Variants in IMPACT observed in about 807,000 individuals in gnomAD.
IMPACT encodes impact RWD domain protein.
Under a neutral mutation model 47.5 loss-of-function variants are expected in IMPACT, and 35 were observed. The ratio of observed to expected loss-of-function variants is 0.74; its 90% confidence interval spans 0.56 to 0.98. The LOEUF (loss-of-function observed/expected upper bound fraction) is 0.98. Ranked by LOEUF, IMPACT falls within the 50% of genes least tolerant of loss-of-function variation. The probability of loss-of-function intolerance (pLI) is 0.00; values close to 1 mark genes in which losing one functional copy is unlikely to be tolerated. For synonymous variants in IMPACT, 118 were observed against 125.6 expected (o/e 0.94, Z 0.40); for missense variants, 373 against 394.8 (o/e 0.94, Z 0.47).
chr18:24,449,242 G>T (rs1001633572), intron 9 of IMPACT, among the ~76,000 whole-genome samples: 1 of 152,062 alleles, frequency 6.6e-6, no homozygotes, highest in Non-Finnish European at 1.5e-5. Flanking sequence ...GCATGCACCT[G>T]TAGGTCCCAG....
rs572911961 is a variant in IMPACT, at chr18:24,450,296, A to C, written c.894+343A>C. Among the ~76,000 whole-genome samples the C allele has an allele frequency of 3.3e-5, 5 of 152,348 alleles. 1 individual carries two copies. In the South Asian group the frequency reaches 8.3e-4, roughly 25 times the overall value. On this transcript the variant is annotated intron_variant, in intron 10 of 10. Transcript: ENST00000284202. The stretch of plus-strand genomic sequence containing the variant: ...CCCCAGAGTGGTTGTAGCTGATATC[A>C]CATCAGACTAGATGTTCTTTAAACA...
chr18:24,452,290 C>T lies in IMPACT; in HGVS notation c.*1443C>T, dbSNP rs1162504129. The T allele has an allele frequency of 6.6e-6, 1 of 152,060 alleles. No homozygotes were observed. The highest frequency in any genetic ancestry group is 2.4e-5 in the African/African-American group (1 of 41,404). 9.4% of individuals were successfully genotyped at this position (152,060 alleles called of 1,614,324 possible). On this transcript the variant is annotated 3_prime_UTR_variant, in exon 11 of 11. Coordinates refer to ENST00000284202, the MANE Select transcript of IMPACT (RefSeq NM_018439.4). ...AAATTCTAAATTATATTTGTTATAA[C>T]TATATTTTATGTTGTATGTTATCAG...
chr18:24,442,485 A>G (rs1443243303), intron 6 of IMPACT, among the ~76,000 whole-genome samples: 2 of 152,208 alleles, frequency 1.3e-5, no homozygotes, highest in Non-Finnish European at 2.9e-5. Flanking sequence ...GAGGTATAAT[A>G]ACTGGAAATC....
chr18:24,427,624 T>C (rs1344570869), intron 1 of IMPACT: 2 of 282,364 alleles, frequency 7.1e-6, no homozygotes, highest in Non-Finnish European at 1.3e-5. Flanking sequence ...TTTTCACGTG[T>C]GAATGGTCAC....
intron 6 of IMPACT, among the ~76,000 whole-genome samples, chr18:24,441,393 A>G (rs559802182): frequency 6.1e-4 from 93 of 152,190 alleles, no homozygotes; most frequent in African/African-American, 2.1e-3. Context: ...GGGTTTCGCC[A>G]TGTTGGCCAG....
intron 7 of IMPACT, among the ~76,000 whole-genome samples, chr18:24,445,173 G>T (rs1909217145): frequency 6.6e-6 from 1 of 152,156 alleles, no homozygotes; most frequent in Non-Finnish European, 1.5e-5. Flanking sequence ...TTGATAATTA[G>T]TGCTCAAAAA....
At chr18:24,434,832 G>A (rs1908870452) in intron 4 of IMPACT, among the ~76,000 whole-genome samples, 5 of 139,170 alleles carry the variant, frequency 3.6e-5, no homozygotes, top group Admixed American at 3.5e-4. Flanking sequence ...TATTATATAA[G>A]TGTATATATA....
Position 24,427,987 on chromosome 18 carries a change from A to G in IMPACT, c.105A>G (p.Lys35=), listed in dbSNP as rs751345520. The stretch of plus-strand genomic sequence containing the variant: ...GGTGTGTCATTGATGACTGTGCCAA[A>G]ATATTTTGTATTAGAATTAGCGACG... ...EEWCVIDDCA[K]IFCIRISDDI... The change falls in exon 2 of 11, where the codon AAA becomes AAG. Residue 35 remains lysine, a synonymous_variant. Coordinates refer to ENST00000284202, the MANE Select transcript of IMPACT (RefSeq NM_018439.4). 5 of 1,602,270 alleles carry G rather than the reference A, an allele frequency of 3.1e-6. No individual in the cohort carries two copies. Among genetic ancestry groups the G allele is most frequent in the Middle Eastern group, 3.3e-4 (2 of 6,038 alleles).
intron 2 of IMPACT, 81 bp from the exon 3 acceptor site, chr18:24,428,788 G>T: frequency 2.8e-6 from 3 of 1,062,688 alleles, no homozygotes; most frequent in Admixed American, 2.4e-5. Flanking sequence ...TGCCTTTTTT[G>T]TCCAGTTGCT....
intron 4 of IMPACT, among the ~76,000 whole-genome samples, chr18:24,434,445 A>G (rs988267693): frequency 6.6e-6 from 1 of 152,128 alleles, no homozygotes; most frequent in Non-Finnish European, 1.5e-5. Flanking sequence ...CAAAAAGAAT[A>G]TGAATGGAGA....
chr18:24,445,998 G>T (rs1490253723), intron 8 of IMPACT, among the ~76,000 whole-genome samples: 1 of 152,122 alleles, frequency 6.6e-6, no homozygotes, highest in Admixed American at 6.6e-5. Flanking sequence ...AAGGAAGAAA[G>T]AATTCTTAGA....
At chr18:24,444,527 T>C (rs1909199594) in intron 7 of IMPACT, among the ~76,000 whole-genome samples, 1 of 152,206 alleles carries the variant, frequency 6.6e-6, no homozygotes, top group South Asian at 2.1e-4. Flanking sequence ...ATGTAATCTT[T>C]GCTGATTTCC....
At position 24,445,547 on chromosome 18, in the gene IMPACT, CTA is replaced by C. The variant is rs1241597382; in HGVS notation, c.668+83_668+84del. 1.7e-5 allele frequency: 13 copies of C among 766,344 alleles called. No individual in the cohort carries two copies. In the African/African-American group the frequency reaches 2.1e-4, roughly 13 times the overall value. The allele number at this position is 766,344 out of a possible 1,614,324, so 47.5% of individuals were successfully genotyped here. ...GATGCATGATTTTAGAAAATAATAA[CTA>C]TTGTGTATTTTTTCCATTGTAATAG... is the stretch of plus-strand genomic sequence containing the variant. On this transcript the variant is annotated intron_variant, in intron 8 of 10. Transcript: ENST00000284202.
At chr18:24,430,443 T>C (rs1908723784) in intron 4 of IMPACT, 59 bp downstream of exon 4, 3 of 1,320,194 alleles carry the variant, frequency 2.3e-6, no homozygotes, top group South Asian at 1.3e-5. Flanking sequence ...TGGGCTTTTG[T>C]TGAACCTGTG....
At chr18:24,431,325 A>G (rs1908752426) in intron 4 of IMPACT, among the ~76,000 whole-genome samples, 3 of 152,146 alleles carry the variant, frequency 2.0e-5, no homozygotes, top group Admixed American at 6.6e-5. Context: ...GGCACATTAC[A>G]GGAAACAGTA....
In IMPACT at chr18:24,430,397, C is replaced by A. The variant is rs776278303; in HGVS notation, c.281+13C>A. 10 of 1,572,890 alleles carry A rather than the reference C, an allele frequency of 6.4e-6. No homozygotes were observed. The highest frequency in any genetic ancestry group is 1.9e-5 in the Admixed American group (1 of 52,570). On this transcript the variant is annotated intron_variant, in intron 4 of 10. Coordinates refer to ENST00000284202, the MANE Select transcript of IMPACT (RefSeq NM_018439.4). The stretch of plus-strand genomic sequence containing the variant: ...AGGAAATATATATGTAAGTGACAGG[C>A]GATTTTTTAAAATAATTCTGTTAGT...
chr18:24,437,499 A>G (rs1420291027), intron 4 of IMPACT, among the ~76,000 whole-genome samples: 3 of 152,220 alleles, frequency 2.0e-5, no homozygotes, highest in South Asian at 2.1e-4. Context: ...GGAGTTTCCC[A>G]TATGCTTTAC....
chr18:24,450,011 T>A, intron 10 of IMPACT, 58 bp downstream of exon 10: 1 of 1,557,050 alleles, frequency 6.4e-7, no homozygotes, highest in Non-Finnish European at 8.8e-7. Context: ...GGGAATTTTT[T>A]AAAAAGACAG....
At chr18:24,445,300 T>G in intron 7 of IMPACT, 93 bp from the exon 8 acceptor site, 1 of 762,734 alleles carries the variant, frequency 1.3e-6, no homozygotes, top group Non-Finnish European at 2.1e-6. Context: ...TGACTATTTA[T>G]TTTAATACAG....
Sources: allele counts gnomAD v4.1 joint callset (sites outside exome capture counted in the v4.1 genomes callset), GRCh38; gene constraint gnomAD v4.1.1; transcripts MANE v1.5; gene names NCBI Gene and HGNC (gene_info 2026-07-23, HGNC 2026-07-21).